BOK: variants seen among roughly 807,000 people sequenced by gnomAD.
The protein encoded by BOK is BCL2 family apoptosis regulator BOK, also known as bcl-2-related ovarian killer protein.
In BOK, 20 loss-of-function variants were observed where a neutral mutation model predicts 18.3. That is an observed-to-expected ratio of 1.09 (90% CI 0.77 to 1.59). The LOEUF (loss-of-function observed/expected upper bound fraction) is 1.59. Among genes scored for constraint, BOK ranks in the 40% most tolerant of loss-of-function variants. The pLI is 0.00. For missense variants in BOK, 348 were observed against 307.9 expected, an observed-to-expected ratio of 1.13 and a Z score of -0.97; for synonymous variants, 173 against 142.4, an observed-to-expected ratio of 1.21 and a Z score of -1.53.
At chr2:241,561,368 T>A (rs1051054560) in intron 2 of BOK, among the ~76,000 whole-genome samples, 1 of 152,204 alleles carries the variant, frequency 6.6e-6, no homozygotes, top group Non-Finnish European at 1.5e-5. Flanking sequence ...CAGTGCCACC[T>A]CCAAGCACAT....
At chr2:241,565,892 T>C (rs1032878660) in intron 3 of BOK, among the ~76,000 whole-genome samples, 1 of 152,246 alleles carries the variant, frequency 6.6e-6, no homozygotes, top group Non-Finnish European at 1.5e-5. Flanking sequence ...ATTTAAAAGT[T>C]GGCAATAGTG....
intron 4 of BOK, among the ~76,000 whole-genome samples, chr2:241,571,241 G>A (rs963844319): frequency 1.3e-5 from 2 of 148,188 alleles, no homozygotes; most frequent in African/African-American, 4.9e-5. Flanking sequence ...AAGGCCCCGA[G>A]GGGTGGGTGT....
At chr2:241,568,748 A>G (rs1450590517) in intron 3 of BOK, among the ~76,000 whole-genome samples, 1 of 152,200 alleles carries the variant, frequency 6.6e-6, no homozygotes, top group East Asian at 1.9e-4. Context: ...CATCCACCAC[A>G]TTTGTATCCA....
rs746293232 is a variant in BOK, at chr2:241,562,466, C to T, written c.339C>T (p.Ile113=). 6.2e-7 allele frequency: 1 copy of T among 1,610,620 alleles called. No individual in the cohort carries two copies. Among genetic ancestry groups the T allele is most frequent in the Non-Finnish European group, 8.5e-7 (1 of 1,179,198 alleles). ...CGTTCCTGGCCGTGGCTGGCCACAT[C>T]TTCTCTGCAGGTATGCCCAGCCTGC... is the stretch of plus-strand genomic sequence containing the variant. The part of the protein sequence containing the change: ...TDAFLAVAGH[I]FSAGITWGKV... Residue 113 remains isoleucine (I), a synonymous_variant, in exon 3 of 5, where the codon ATC becomes ATT. Coordinates refer to ENST00000318407, the MANE Select transcript of BOK (RefSeq NM_032515.5). This position sits in a 1 kb window ranked among gnomAD's most constrained non-coding sequence, Gnocchi z 4.5.
Position 241,562,456 on chromosome 2 carries a change from C to T in BOK, c.329C>T (p.Ala110Val). The T allele has an allele frequency of 6.2e-7, 1 of 1,611,286 alleles. No individual in the cohort carries two copies. Among genetic ancestry groups the T allele is most frequent in the Non-Finnish European group, 8.5e-7 (1 of 1,179,518 alleles). ...PVVTDAFLAV[A>V]GHIFSAGITW... ...GTGACCGATGCGTTCCTGGCCGTGGCTGGCCACATCTTCTCTGCAGGTATG... is the reference window on the plus strand; with the variant it reads ...GTGACCGATGCGTTCCTGGCCGTGGTTGGCCACATCTTCTCTGCAGGTATG... Residue 110 changes from alanine (A) to valine (V), a missense_variant, in exon 3 of 5, where the codon GCT becomes GTT. Physicochemically the swap from Ala to Val is moderately conservative, Grantham distance 64. Coordinates refer to ENST00000318407, the MANE Select transcript of BOK (RefSeq NM_032515.5). The surrounding 1 kb of genome is among the most constrained non-coding windows in gnomAD (Gnocchi z 4.5).
upstream of BOK, among the ~76,000 whole-genome samples, chr2:241,557,758 T>G (rs767048757): frequency 3.3e-5 from 5 of 152,210 alleles, no homozygotes; most frequent in Non-Finnish European, 7.3e-5. Context: ...ATTGATTATT[T>G]AGAAGTGTGA....
Position 241,562,588 on chromosome 2 carries a change from G to A in BOK, c.349+112G>A. The A allele has an allele frequency of 7.5e-7, 1 of 1,340,450 alleles. No homozygotes were observed. Among genetic ancestry groups the A allele is most frequent in the Non-Finnish European group, 9.9e-7 (1 of 1,012,488 alleles). 83.0% of individuals were successfully genotyped at this position (1,340,450 alleles called of 1,614,324 possible). ...CCCACCCATCCTGGCGCTGCCCAGT[G>A]CCCACCGGTGCCATCTCACTGCTGC... is the stretch of plus-strand genomic sequence containing the variant. On this transcript the variant is annotated intron_variant, in intron 3 of 4. Coordinates refer to ENST00000318407, the MANE Select transcript of BOK (RefSeq NM_032515.5). This position sits in a 1 kb window ranked among gnomAD's most constrained non-coding sequence, Gnocchi z 4.5.
At chr2:241,557,875 A>G (rs2066465720), upstream of BOK, among the ~76,000 whole-genome samples, 1 of 152,176 alleles carries the variant, frequency 6.6e-6, no homozygotes, top group South Asian at 2.1e-4. Context: ...ATTTGCTGAG[A>G]CTTGTATAAG....
At chr2:241,572,253 C>T (rs765798552) in intron 4 of BOK, 44 bp from the exon 5 acceptor site, 14 of 1,595,772 alleles carry the variant, frequency 8.8e-6, no homozygotes, top group Non-Finnish European at 7.7e-6. Flanking sequence ...GGGGGCCTGG[C>T]GGTGCTGGCT....
rs2066428119 is a variant in BOK, at chr2:241,553,406, C to T, written n.54+1929C>T. Among the ~76,000 whole-genome samples the T allele has an allele frequency of 2.0e-5, 3 of 152,202 alleles. No homozygotes were observed. The South Asian group carries it at 6.2e-4, about 32-fold the overall frequency. On this transcript the variant is annotated intron_variant and non_coding_transcript_variant, in intron 1 of 1. Coordinates refer to the BOK transcript ENST00000641230. The stretch of plus-strand genomic sequence containing the variant: ...ACTTCAGGTGATCCACCCGCCTCAG[C>T]CTCCCAAAGTGCTGGGATTACAGGT...
chr2:241,551,936 C>T (rs1384204668), intron 1 of BOK, among the ~76,000 whole-genome samples: 10 of 151,968 alleles, frequency 6.6e-5, no homozygotes, highest in Admixed American at 1.3e-4. Context: ...GGGTGGGGGG[C>T]GTTCTCTGAG....
intron 2 of BOK, among the ~76,000 whole-genome samples, chr2:241,560,545 C>T (rs538755381): frequency 1.2e-4 from 19 of 152,340 alleles, no homozygotes; most frequent in African/African-American, 4.3e-4. Flanking sequence ...CCTGCCCTTA[C>T]GTGGTGGGCT....
chr2:241,555,901 T>C (rs2066447105), upstream of BOK, among the ~76,000 whole-genome samples: 1 of 152,254 alleles, frequency 6.6e-6, no homozygotes, highest in Middle Eastern at 3.4e-3. Context: ...AGCCTGTGAA[T>C]GGGGCAGGAA....
chr2:241,559,369 C>A, intron 1 of BOK, 86 bp from the exon 2 acceptor site: 2 of 846,946 alleles, frequency 2.4e-6, no homozygotes, highest in Middle Eastern at 4.0e-4. Flanking sequence ...TACGGCCCTT[C>A]CCGAGGGCCA....
rs774966630 is a variant in BOK at position 241,559,641 on chromosome 2, C to T, written c.158C>T (p.Pro53Leu). The T allele has an allele frequency of 2.1e-6, 3 of 1,409,296 alleles. No individual in the cohort carries two copies. The highest frequency in any genetic ancestry group is 3.3e-5 in the Admixed American group (1 of 30,430). The allele number at this position is 1,409,296 out of a possible 1,614,324, so 87.3% of individuals were successfully genotyped here. The change falls in exon 2 of 5, where the codon CCC (proline) becomes CTC (leucine). Residue 53 changes from proline (P) to leucine (L), a missense_variant. Coordinates refer to ENST00000318407, the MANE Select transcript of BOK (RefSeq NM_032515.5). ...LLRAGLSWSAPERAAPVPGRL... is the reference protein window; with the variant it reads ...LLRAGLSWSALERAAPVPGRL... ...CGCGCCGGCCTCTCCTGGAGCGCGC[C>T]CGAGCGTGCCGCGCCGGTCCCGGGA...
upstream of BOK, among the ~76,000 whole-genome samples, chr2:241,558,305 A>T (rs2066471126): frequency 6.6e-6 from 1 of 152,236 alleles, no homozygotes. Flanking sequence ...TATCCCAATA[A>T]AAAGGTACTA....
rs546310429 is a variant in BOK, at chr2:241,551,443, G to A, written n.20G>A. 13 of 152,366 alleles carry A rather than the reference G, an allele frequency of 8.5e-5. No homozygotes were observed. The South Asian group carries it at 2.7e-3, about 32-fold the overall frequency. The allele number at this position is 152,366 out of a possible 1,614,324, so 9.4% of individuals were successfully genotyped here. ...AAGCAGCGTGAGGCTGCTTTTCTGTGACTCGGAACCAGCGCACCCCATCGC... is the reference window on the plus strand; with the variant it reads ...AAGCAGCGTGAGGCTGCTTTTCTGTAACTCGGAACCAGCGCACCCCATCGC... On this transcript the variant is annotated non_coding_transcript_exon_variant, in exon 1 of 2. Transcript: ENST00000641230.
At chr2:241,560,692 G>A (rs1370832538) in intron 2 of BOK, among the ~76,000 whole-genome samples, 1 of 152,222 alleles carries the variant, frequency 6.6e-6, no homozygotes, top group South Asian at 2.1e-4. Context: ...GGAGGGAGAG[G>A]TCTCTGGGTG....
At position 241,559,558 on chromosome 2, in the gene BOK, G is replaced by T; in HGVS notation, c.75G>T (p.Lys25Asn). 1 of 1,528,722 alleles carries T rather than the reference G, an allele frequency of 6.5e-7. No individual in the cohort carries two copies. The highest frequency in any genetic ancestry group is 2.7e-5 in the East Asian group (1 of 37,558). 94.7% of individuals were successfully genotyped at this position (1,528,722 alleles called of 1,614,324 possible). A position where few individuals can be genotyped will look rare whatever the true frequency, so the allele number is the denominator to read the frequency against. Residue 25 changes from lysine (K) to asparagine (N), a missense_variant, in exon 2 of 5, where the codon AAG (lysine) becomes AAT (asparagine). By Grantham distance (94) the Lys-to-Asn change is moderately conservative. Coordinates refer to ENST00000318407, the MANE Select transcript of BOK (RefSeq NM_032515.5). ...CCTTTGACCGCTCGCCCACAGACAA[G>T]GAGCTGGTGGCCCAGGCCAAGGCGC... ...MDAFDRSPTD[K>N]ELVAQAKALG...
Sources: gnomAD v4.1 joint callset for allele counts (sites outside exome capture counted in the v4.1 genomes callset) on GRCh38, gnomAD v4.1.1 for gene constraint, Gnocchi (gnomAD v3.1) non-coding constraint, MANE v1.5 for transcripts, NCBI Gene and HGNC (gene_info 2026-07-23, HGNC 2026-07-21) for gene names.